The following LRMDA variants were observed in gnomAD, a reference collection of about 807,000 sequenced individuals.
LRMDA encodes the protein leucine rich melanocyte differentiation associated.
LRMDA carries 18 observed loss-of-function variants against 29.8 expected under a neutral mutation model. The observed-to-expected ratio is 0.60, with a 90% CI of 0.42 to 0.90. The LOEUF (loss-of-function observed/expected upper bound fraction) is 0.90. Among genes scored for constraint, LRMDA ranks in the 40% least tolerant of loss-of-function variants. The pLI, the probability that LRMDA is intolerant of heterozygous loss-of-function variation, is 0.00. For synonymous variants in LRMDA, 125 were observed against 109.4 expected, an observed-to-expected ratio of 1.14 and a Z score of -0.89; for missense variants, 273 against 273.9, an observed-to-expected ratio of 1.00 and a Z score of 0.02.
chr10:76,396,947 A>G (rs1410288249), intron 6 of LRMDA, among the ~76,000 whole-genome samples: 2 of 152,142 alleles, frequency 1.3e-5, no homozygotes, highest in African/African-American at 4.8e-5. Context: ...AGCCTCTGCC[A>G]CGCCACGCAA....
chr10:76,383,313 C>T (rs1016039653), intron 6 of LRMDA, among the ~76,000 whole-genome samples: 2 of 151,890 alleles, frequency 1.3e-5, no homozygotes, highest in Non-Finnish European at 2.9e-5. Context: ...GTGAACTGGC[C>T]GTGTTTTCTC....
intron 5 of LRMDA, among the ~76,000 whole-genome samples, chr10:76,151,026 A>G (rs1200605571): frequency 1.3e-5 from 2 of 152,262 alleles, no homozygotes; most frequent in Non-Finnish European, 1.5e-5. Flanking sequence ...GCAGAATCCA[A>G]GCGCCCTGTA....
chr10:75,499,069 G>A (rs1845081705), intron 2 of LRMDA, among the ~76,000 whole-genome samples: 1 of 152,106 alleles, frequency 6.6e-6, no homozygotes, highest in Admixed American at 6.5e-5. Flanking sequence ...CGGTGGTGGA[G>A]AATGAGGTGA....
intron 2 of LRMDA, among the ~76,000 whole-genome samples, chr10:75,811,953 T>G (rs76530441): frequency 0.027 from 4,179 of 152,252 alleles, 116 homozygotes; most frequent in South Asian, 0.055. Flanking sequence ...AGTATTTCTT[T>G]TAGGCTGCTT....
intron 5 of LRMDA, among the ~76,000 whole-genome samples, chr10:76,321,764 G>A (rs1020579750): frequency 1.3e-5 from 2 of 152,054 alleles, no homozygotes; most frequent in Non-Finnish European, 2.9e-5. Context: ...GGGCAACATG[G>A]CAAAACCCCA....
intron 2 of LRMDA, among the ~76,000 whole-genome samples, chr10:75,985,117 T>C (rs1175052779): frequency 1.3e-5 from 2 of 152,112 alleles, no homozygotes; most frequent in African/African-American, 2.4e-5. Context: ...TTAGCAGAAC[T>C]TCTCATATTT....
intron 5 of LRMDA, among the ~76,000 whole-genome samples, chr10:76,146,513 CCA>C (rs1850325033): frequency 2.0e-5 from 3 of 151,770 alleles, no homozygotes; most frequent in African/African-American, 7.3e-5. Flanking sequence ...AGGATTGCAA[CCA>C]CTGCCTTTTT....
At chr10:75,471,233 G>A (rs898560371) in intron 2 of LRMDA, among the ~76,000 whole-genome samples, 4 of 151,980 alleles carry the variant, frequency 2.6e-5, no homozygotes, top group African/African-American at 7.3e-5. Flanking sequence ...GGGTGTGAGT[G>A]GGGTGTGGTT....
intron 2 of LRMDA, among the ~76,000 whole-genome samples, chr10:75,900,550 G>A (rs1243538032): frequency 1.3e-5 from 2 of 152,176 alleles, no homozygotes; most frequent in African/African-American, 4.8e-5. Flanking sequence ...GGGAAGGCAA[G>A]GGCACAAGAA....
At chr10:75,558,154 GA>G (rs1296055990) in intron 2 of LRMDA, among the ~76,000 whole-genome samples, 9 of 143,092 alleles carry the variant, frequency 6.3e-5, no homozygotes, top group South Asian at 4.6e-4. Flanking sequence ...TCAGTGGTAT[GA>G]TTTTTTTTTT....
At chr10:76,505,775 AC>A (rs1375127112) in intron 6 of LRMDA, among the ~76,000 whole-genome samples, 2 of 152,124 alleles carry the variant, frequency 1.3e-5, no homozygotes, top group African/African-American at 4.8e-5. Flanking sequence ...GTCATTTCAA[AC>A]TGATTGGATA....
intron 2 of LRMDA, among the ~76,000 whole-genome samples, chr10:75,916,225 A>C (rs1564605912): frequency 6.7e-6 from 1 of 149,414 alleles, no homozygotes; most frequent in Admixed American, 6.7e-5. Context: ...TATACCGACC[A>C]CCATAGCCCG....
chr10:76,502,209 A>G (rs376107151), intron 6 of LRMDA, among the ~76,000 whole-genome samples: 2 of 151,694 alleles, frequency 1.3e-5, no homozygotes, highest in East Asian at 1.9e-4. Flanking sequence ...TTTCTCTTCC[A>G]TTTGTCTATG....
rs114650447 is a variant in LRMDA, at chr10:75,730,656, T to C, written c.131+292162T>C. ...CTGGCCTGGCCTGGGTTGCTCTTCATAGAACCTGCTGGTTGTTCCCCACAC... is the reference window on the plus strand; with the variant it reads ...CTGGCCTGGCCTGGGTTGCTCTTCACAGAACCTGCTGGTTGTTCCCCACAC... On this transcript the variant is annotated intron_variant, in intron 2 of 6. Transcript: ENST00000611255. 5.1e-3 allele frequency among the ~76,000 whole-genome samples: 779 copies of C among 152,266 alleles called. 9 individuals carry two copies. The highest frequency in any genetic ancestry group is 0.018 in the African/African-American group (748 of 41,534).
intron 5 of LRMDA, among the ~76,000 whole-genome samples, chr10:76,237,785 C>CTT (rs33976322): frequency 0.24 from 19,888 of 83,974 alleles, 3,025 homozygotes; most frequent in East Asian, 0.43. Context: ...GACAAGAGTG[C>CTT]TTTTTTTTTT....
intron 6 of LRMDA, among the ~76,000 whole-genome samples, chr10:76,373,999 A>G (rs1841486590): frequency 6.6e-6 from 1 of 152,216 alleles, no homozygotes; most frequent in Non-Finnish European, 1.5e-5. Flanking sequence ...AGCCCAAAAT[A>G]TAGGTGCTGA....
intron 6 of LRMDA, among the ~76,000 whole-genome samples, chr10:76,450,771 C>T (rs530728681): frequency 2.8e-4 from 43 of 152,130 alleles, no homozygotes; most frequent in African/African-American, 9.1e-4. Flanking sequence ...TTTCTTAATT[C>T]GGCCAGTTTA....
intron 2 of LRMDA, among the ~76,000 whole-genome samples, chr10:75,968,673 G>A (rs556391707): frequency 1.4e-4 from 21 of 152,318 alleles, no homozygotes; most frequent in Non-Finnish European, 2.1e-4. Flanking sequence ...AAAATCTGGG[G>A]AAATAAGGGC....
intron 6 of LRMDA, among the ~76,000 whole-genome samples, chr10:76,384,920 G>A (rs1016979539): frequency 2.0e-4 from 30 of 152,304 alleles, no homozygotes; most frequent in African/African-American, 6.5e-4. Flanking sequence ...GATTGGTGTC[G>A]AAATTGGGTT....
Sources: allele counts gnomAD v4.1 joint callset (sites outside exome capture counted in the v4.1 genomes callset), GRCh38; gene constraint gnomAD v4.1.1; transcripts MANE v1.5; gene names NCBI Gene and HGNC (gene_info 2026-07-23, HGNC 2026-07-21).